Variants in CPNE8 observed in about 807,000 individuals in gnomAD.
CPNE8 encodes copine-8.
A neutral mutation model predicts 81.5 loss-of-function variants in CPNE8; 45 were observed. The ratio of observed to expected loss-of-function variants is 0.55; its 90% confidence interval spans 0.44 to 0.71. The LOEUF (loss-of-function observed/expected upper bound fraction) is 0.71, where lower values mean the gene tolerates loss of function less well. Ranked by LOEUF, CPNE8 falls within the 30% of genes least tolerant of loss-of-function variation. The probability of loss-of-function intolerance (pLI) is 0.00; values close to 1 mark genes in which losing one functional copy is unlikely to be tolerated. For missense variants in CPNE8, 594 were observed against 672.1 expected (o/e 0.88, Z 1.28); for synonymous variants, 252 against 226.3 (o/e 1.11, Z -1.02).
At chr12:38,883,290 T>C (rs910225761) in intron 1 of CPNE8, among the ~76,000 whole-genome samples, 6 of 152,232 alleles carry the variant, frequency 3.9e-5, no homozygotes, top group Non-Finnish European at 8.8e-5. Flanking sequence ...ATGTCTGTTT[T>C]TGTTACACTA....
intron 6 of CPNE8, among the ~76,000 whole-genome samples, chr12:38,783,281 C>T (rs751447852): frequency 1.7e-4 from 26 of 152,082 alleles, no homozygotes; most frequent in Non-Finnish European, 3.2e-4. Context: ...ACTATCTATA[C>T]ACACACACAA....
intron 3 of CPNE8, among the ~76,000 whole-genome samples, chr12:38,859,976 T>C (rs1173360346): frequency 6.6e-6 from 1 of 152,042 alleles, no homozygotes; most frequent in Non-Finnish European, 1.5e-5. Context: ...AAACATAGGG[T>C]AAAAGTTTCA....
chr12:38,874,779 A>C (rs374436088), intron 1 of CPNE8, among the ~76,000 whole-genome samples: 1 of 152,144 alleles, frequency 6.6e-6, no homozygotes, highest in Non-Finnish European at 1.5e-5. Context: ...GACTCCTTAC[A>C]TCCTAAGATT....
intron 10 of CPNE8, among the ~76,000 whole-genome samples, chr12:38,747,743 T>C (rs1417066552): frequency 1.3e-5 from 2 of 152,110 alleles, no homozygotes; most frequent in African/African-American, 2.4e-5. Context: ...ATTTCAAAGA[T>C]AGTACATAAG....
At chr12:38,798,355 C>A (rs112800190) in intron 6 of CPNE8, among the ~76,000 whole-genome samples, 7 of 152,182 alleles carry the variant, frequency 4.6e-5, no homozygotes, top group African/African-American at 1.7e-4. Context: ...GATCTCTCCG[C>A]AGAAACTCTA....
At chr12:38,826,012 T>G (rs926511515) in intron 6 of CPNE8, among the ~76,000 whole-genome samples, 3 of 152,220 alleles carry the variant, frequency 2.0e-5, no homozygotes, top group Non-Finnish European at 4.4e-5. Flanking sequence ...ATGAATGTAA[T>G]TGCAACCAGT....
chr12:38,897,694 C>T (rs923483866), intron 1 of CPNE8, among the ~76,000 whole-genome samples: 1 of 151,150 alleles, frequency 6.6e-6, no homozygotes, highest in Non-Finnish European at 1.5e-5. Flanking sequence ...TATTAATATA[C>T]ACAGAGAGAA....
chr12:38,666,820 C>A (rs76385571), intron 19 of CPNE8, among the ~76,000 whole-genome samples: 3,001 of 152,072 alleles, frequency 0.02, 96 homozygotes, highest in African/African-American at 0.068. Flanking sequence ...AGGATTAAAT[C>A]CTGGTTCACT....
chr12:38,885,681 G>A (rs1944227983), intron 1 of CPNE8, among the ~76,000 whole-genome samples: 2 of 151,858 alleles, frequency 1.3e-5, no homozygotes, highest in African/African-American at 4.8e-5. Context: ...CTACATGGTG[G>A]GAAACATAGA....
chr12:38,684,550 A>G (rs1325280629), intron 16 of CPNE8, among the ~76,000 whole-genome samples: 1 of 152,106 alleles, frequency 6.6e-6, no homozygotes, highest in African/African-American at 2.4e-5. Context: ...TTCCACAGGG[A>G]AGTTGCACTG....
intron 6 of CPNE8, among the ~76,000 whole-genome samples, chr12:38,828,983 A>C (rs17523988): frequency 0.23 from 35,714 of 152,112 alleles, 5,402 homozygotes; most frequent in Non-Finnish European, 0.33. Context: ...TCCATGGTAA[A>C]AATTATTATG....
At chr12:38,689,032 T>C (rs1398131391) in intron 15 of CPNE8, among the ~76,000 whole-genome samples, 1 of 152,188 alleles carries the variant, frequency 6.6e-6, no homozygotes, top group African/African-American at 2.4e-5. Context: ...TTATTGCTTG[T>C]TAAAACAAAT....
At position 38,905,541 on chromosome 12, in the gene CPNE8, A is replaced by G. The variant is rs1448188871; in HGVS notation, c.-7T>C. On this transcript the variant is annotated 5_prime_UTR_variant, in exon 1 of 20. Transcript: ENST00000331366. Reference sequence around the variant, plus strand: ...TGTTGTAGCGGCTGTCCATATTGGGAGGAGGCGCCTTGGACTTGTCCGGCG... The same window carrying G: ...TGTTGTAGCGGCTGTCCATATTGGGGGGAGGCGCCTTGGACTTGTCCGGCG... 1.3e-6 allele frequency: 2 copies of G among 1,557,142 alleles called. No homozygotes were observed. The highest frequency in any genetic ancestry group is 1.7e-6 in the Non-Finnish European group (2 of 1,151,268).
chr12:38,852,368 G>T (rs1259010387), intron 3 of CPNE8, among the ~76,000 whole-genome samples: 1 of 145,994 alleles, frequency 6.8e-6, no homozygotes, highest in Non-Finnish European at 1.5e-5. Flanking sequence ...AGTGGAGCTT[G>T]CAGTGAGCCA....
intron 6 of CPNE8, among the ~76,000 whole-genome samples, chr12:38,786,039 A>G (rs34246358): frequency 0.24 from 36,436 of 152,098 alleles, 5,488 homozygotes; most frequent in Admixed American, 0.33. Flanking sequence ...TAAGAAAATG[A>G]CAGGTGAAAG....
In CPNE8 at chr12:38,762,175, A is replaced by C. The variant is rs748478221; in HGVS notation, c.617T>G (p.Leu206Arg). 2 of 1,607,122 alleles carry C rather than the reference A, an allele frequency of 1.2e-6. No homozygotes were observed. The highest frequency in any genetic ancestry group is 1.7e-6 in the Non-Finnish European group (2 of 1,176,444). Residue 206 changes from leucine (L) to arginine (R), a missense_variant, in exon 9 of 20, where the codon CTA becomes CGA. Physicochemically the swap from Leu to Arg is moderately radical, Grantham distance 102. Transcript: ENST00000331366. Reference sequence around the variant, plus strand: ...CTTGAATGCTTGCCATACTGGATTTAGAGTGTTTTTGACAACTTCTGTCTT... The same window carrying C: ...CTTGAATGCTTGCCATACTGGATTTCGAGTGTTTTTGACAACTTCTGTCTT... ...CHKTEVVKNT[L>R]NPVWQAFKIS...
At chr12:38,870,640 C>T (rs7960621) in intron 3 of CPNE8, among the ~76,000 whole-genome samples, 36,310 of 151,800 alleles carry the variant, frequency 0.24, 5,459 homozygotes, top group Non-Finnish European at 0.33. Context: ...CGGGGCCTGT[C>T]GGCGGGTGGG....
At chr12:38,797,516 C>T (rs1380048718) in intron 6 of CPNE8, among the ~76,000 whole-genome samples, 1 of 152,036 alleles carries the variant, frequency 6.6e-6, no homozygotes, top group African/African-American at 2.4e-5. Flanking sequence ...AACTAACAAA[C>T]AGAGAGGACA....
chr12:38,702,990 C>A, intron 13 of CPNE8, 69 bp from the exon 14 acceptor site: 1 of 1,107,400 alleles, frequency 9.0e-7, no homozygotes, highest in South Asian at 1.6e-5. Context: ...TTTTCCATTT[C>A]GGTTATATTT....
Sources: allele counts gnomAD v4.1 joint callset (sites outside exome capture counted in the v4.1 genomes callset), GRCh38; gene constraint gnomAD v4.1.1; transcripts MANE v1.5; gene names NCBI Gene and HGNC (gene_info 2026-07-23, HGNC 2026-07-21).